The following OCM variants were observed in gnomAD, a reference collection of about 807,000 sequenced individuals.
The protein encoded by OCM is oncomodulin-1.
In OCM, 18 loss-of-function variants were observed where a neutral mutation model predicts 14.1. The observed-to-expected ratio is 1.28, with a 90% CI of 0.88 to 1.89. OCM has a LOEUF of 1.89. Among genes scored for constraint, OCM ranks in the 40% most tolerant of loss-of-function variants. The pLI is 0.00. For missense variants in OCM, 140 were observed against 137.6 expected, an observed-to-expected ratio of 1.02 and a Z score of -0.09; for synonymous variants, 48 against 51.0, an observed-to-expected ratio of 0.94 and a Z score of 0.25.
chr7:5,860,710 G>A, the OCM span, among the ~76,000 whole-genome samples: 1 of 134,550 alleles, frequency 7.4e-6, no homozygotes, highest in Non-Finnish European at 1.6e-5. Context: ...GTATATATAC[G>A]TGTATATATA....
At chr7:5,878,020 T>C (rs1781130383), upstream of OCM, among the ~76,000 whole-genome samples, 1 of 150,170 alleles carries the variant, frequency 6.7e-6, no homozygotes, top group Non-Finnish European at 1.5e-5. Context: ...ACCCAGGCTG[T>C]AGTGCAGTGA....
At chr7:5,871,825 C>T in the OCM span, 1 of 152,032 alleles carries the variant, frequency 6.6e-6, no homozygotes, top group Non-Finnish European at 1.5e-5. Flanking sequence ...CACTACTGAT[C>T]AGCACAGGAG....
At chr7:5,865,919 A>G in the OCM span, among the ~76,000 whole-genome samples, 1 of 152,216 alleles carries the variant, frequency 6.6e-6, no homozygotes, top group Non-Finnish European at 1.5e-5. Flanking sequence ...CACTCTTGAT[A>G]ATAACAGAGT....
At chr7:5,878,862 G>A (rs1363009098), upstream of OCM, among the ~76,000 whole-genome samples, 1 of 112,238 alleles carries the variant, frequency 8.9e-6, no homozygotes, top group Non-Finnish European at 1.8e-5. Flanking sequence ...CTCAATAAAT[G>A]TTTGCTGAAA....
chr7:5,870,780 C>G, the OCM span, among the ~76,000 whole-genome samples: 1 of 152,184 alleles, frequency 6.6e-6, no homozygotes, highest in African/African-American at 2.4e-5. Context: ...AGTATGCAGT[C>G]TTGGCCAATG....
chr7:5,876,149 G>C (rs1029603527), upstream of OCM, among the ~76,000 whole-genome samples: 1 of 152,118 alleles, frequency 6.6e-6, no homozygotes, highest in Non-Finnish European at 1.5e-5. Flanking sequence ...GGGATTACAG[G>C]CATGCACCAC....
upstream of OCM, among the ~76,000 whole-genome samples, chr7:5,877,099 C>G (rs1400261973): frequency 6.6e-6 from 1 of 152,134 alleles, no homozygotes; most frequent in Non-Finnish European, 1.5e-5. Flanking sequence ...AGCCACCACA[C>G]CCGGCCTGAA....
At chr7:5,873,683 A>T in the OCM span, among the ~76,000 whole-genome samples, 2 of 151,936 alleles carry the variant, frequency 1.3e-5, no homozygotes, top group Non-Finnish European at 2.9e-5. Flanking sequence ...GCTAGGTTGG[A>T]GGTGACCCCG....
upstream of OCM, among the ~76,000 whole-genome samples, chr7:5,875,535 T>A (rs1781078665): frequency 1.3e-5 from 2 of 152,024 alleles, no homozygotes. Context: ...CTCGAATTCC[T>A]GGGCCCAAGC....
chr7:5,860,777 T>C, the OCM span, among the ~76,000 whole-genome samples: 1 of 134,718 alleles, frequency 7.4e-6, no homozygotes, highest in Admixed American at 7.8e-5. Flanking sequence ...TTCGTATATA[T>C]ACGTGTATAT....
At chr7:5,872,112 G>A in the OCM span, 1 of 152,222 alleles carries the variant, frequency 6.6e-6, no homozygotes, top group South Asian at 2.1e-4. Context: ...GTAATTAGGG[G>A]ACTTGTGCCA....
At chr7:5,868,412 G>A in the OCM span, among the ~76,000 whole-genome samples, 1 of 151,036 alleles carries the variant, frequency 6.6e-6, no homozygotes, top group African/African-American at 2.4e-5. Context: ...CTCCCAAAGT[G>A]CTGGGATTAC....
chr7:5,875,836 C>CTT (rs879801386), upstream of OCM, among the ~76,000 whole-genome samples: 6 of 145,888 alleles, frequency 4.1e-5, no homozygotes, highest in Admixed American at 6.9e-5. Flanking sequence ...TTTCAGAAAC[C>CTT]TTTTTTTTTT....
chr7:5,870,110 T>G, the OCM span, among the ~76,000 whole-genome samples: 1 of 149,086 alleles, frequency 6.7e-6, no homozygotes, highest in Non-Finnish European at 1.5e-5. Context: ...TTTTATTTTA[T>G]TTTATTATTT....
At chr7:5,881,249 C>G (rs1401561936) in intron 1 of OCM, among the ~76,000 whole-genome samples, 1 of 149,332 alleles carries the variant, frequency 6.7e-6, no homozygotes, top group African/African-American at 2.5e-5. Flanking sequence ...ACCCGGGAGG[C>G]AGAAGTTGCA....
the OCM span, among the ~76,000 whole-genome samples, chr7:5,865,079 C>G: frequency 6.6e-6 from 1 of 152,160 alleles, no homozygotes; most frequent in South Asian, 2.1e-4. Context: ...CCTGGGATTC[C>G]CATTAACCAA....
chr7:5,885,111 A>T (rs1781305199), intron 3 of OCM, among the ~76,000 whole-genome samples: 1 of 96,222 alleles, frequency 1.0e-5, no homozygotes, highest in African/African-American at 3.8e-5. Context: ...CAAGAGTGAA[A>T]CTCTATCTCA....
chr7:5,875,030 ATATC>A (rs1339455599), upstream of OCM, among the ~76,000 whole-genome samples: 12 of 149,058 alleles, frequency 8.1e-5, no homozygotes, highest in Non-Finnish European at 1.3e-4. Flanking sequence ...GTGTGAATCT[ATATC>A]TATATCTATA....
At chr7:5,883,740 T>C (rs1453872824) in intron 2 of OCM, 150 bp from the exon 3 acceptor site, 4 of 719,142 alleles carry the variant, frequency 5.6e-6, no homozygotes, top group African/African-American at 1.8e-5. Flanking sequence ...CATTGGTTTC[T>C]ACAGCTTAAG....
Sources: allele counts gnomAD v4.1 joint callset (sites outside exome capture counted in the v4.1 genomes callset), GRCh38; gene constraint gnomAD v4.1.1; transcripts MANE v1.5; gene names NCBI Gene and HGNC (gene_info 2026-07-23, HGNC 2026-07-21).